CEACAM4: variants seen among roughly 807,000 people sequenced by gnomAD.
CEACAM4 encodes the protein cell adhesion molecule CEACAM4.
A neutral mutation model predicts 28.7 loss-of-function variants in CEACAM4; 30 were observed. The ratio of observed to expected loss-of-function variants is 1.05; its 90% confidence interval spans 0.78 to 1.42. The LOEUF is 1.42. Ranked by LOEUF, CEACAM4 falls within the 40% of genes most tolerant of loss-of-function variation. The probability of loss-of-function intolerance (pLI) is 0.00; values close to 1 mark genes in which losing one functional copy is unlikely to be tolerated. For missense variants in CEACAM4, 330 were observed against 308.2 expected, an observed-to-expected ratio of 1.07 and a Z score of -0.53; for synonymous variants, 143 against 126.5, an observed-to-expected ratio of 1.13 and a Z score of -0.87.
chr19:41,623,350 T>C (rs1271038120), intron 2 of CEACAM4, among the ~76,000 whole-genome samples: 1 of 151,816 alleles, frequency 6.6e-6, no homozygotes, highest in Non-Finnish European at 1.5e-5. Flanking sequence ...TCTGATAATT[T>C]CAACATCCCT....
chr19:41,620,351 C>CT (rs1315355278), intron 4 of CEACAM4, 109 bp from the exon 5 acceptor site: 1 of 1,100,664 alleles, frequency 9.1e-7, no homozygotes, highest in African/African-American at 1.6e-5. Flanking sequence ...GAGGGAGCCT[C>CT]TTCCCAGGGG....
At chr19:41,614,815 G>A (rs2070967297), downstream of CEACAM4, among the ~76,000 whole-genome samples, 1 of 152,086 alleles carries the variant, frequency 6.6e-6, no homozygotes. Flanking sequence ...TCCATATGCA[G>A]GGTCAGAGAA....
Position 41,625,390 on chromosome 19 carries a change from C to T in CEACAM4, c.424+211G>A, listed in dbSNP as rs1188764259. Among the ~76,000 whole-genome samples, 3 of 152,172 alleles carry T rather than the reference C, an allele frequency of 2.0e-5. No individual in the cohort carries two copies. In the South Asian group the frequency reaches 6.2e-4, roughly 32 times the overall value. The stretch of plus-strand genomic sequence containing the variant: ...CTCCCCCTGCTGAGGCCCCCCCGCC[C>T]CCGCCATCAGTGTCTGCAGGGCCTG... On this transcript the variant is annotated intron_variant, in intron 2 of 6. Coordinates refer to ENST00000221954, the MANE Select transcript of CEACAM4 (RefSeq NM_001817.4).
chr19:41,618,429 C>T (rs545257325), downstream of CEACAM4, among the ~76,000 whole-genome samples: 2 of 152,268 alleles, frequency 1.3e-5, no homozygotes, highest in South Asian at 4.1e-4. Context: ...CTCTGACAGC[C>T]CCTCTCTGTG....
chr19:41,614,915 G>A (rs2070967863), downstream of CEACAM4, among the ~76,000 whole-genome samples: 2 of 141,668 alleles, frequency 1.4e-5, no homozygotes, highest in Admixed American at 1.5e-4. Flanking sequence ...GGAAGACAAG[G>A]GAAGACGAAG....
intron 2 of CEACAM4, 35 bp from the exon 3 acceptor site, chr19:41,621,803 A>G (rs1313055528): frequency 2.3e-6 from 3 of 1,293,260 alleles, no homozygotes; most frequent in Middle Eastern, 1.9e-4. Context: ...GACAAGGCCC[A>G]AGTTTGTTCC....
intron 2 of CEACAM4, among the ~76,000 whole-genome samples, chr19:41,622,487 C>T (rs938836593): frequency 6.6e-6 from 1 of 152,138 alleles, no homozygotes; most frequent in African/African-American, 2.4e-5. Context: ...TTTCAGGGGT[C>T]TTCCATGTGC....
chr19:41,626,831 C>A, intron 1 of CEACAM4, 69 bp downstream of exon 1: 1 of 1,432,982 alleles, frequency 7.0e-7, no homozygotes, highest in South Asian at 1.2e-5. Context: ...CTATCCCCTC[C>A]TACCCAAGAG....
chr19:41,619,468 G>A, intron 6 of CEACAM4, 73 bp from the exon 7 acceptor site: 1 of 1,595,118 alleles, frequency 6.3e-7, no homozygotes, highest in Non-Finnish European at 8.6e-7. Context: ...CCAGGCTCTG[G>A]GCCCACCCAG....
At chr19:41,618,341 G>A (rs556229644), downstream of CEACAM4, among the ~76,000 whole-genome samples, 1 of 152,270 alleles carries the variant, frequency 6.6e-6, no homozygotes, top group South Asian at 2.1e-4. Flanking sequence ...GGTAAAGTGG[G>A]AACTGATGAG....
Position 41,620,224 on chromosome 19 carries a change from C to A in CEACAM4, c.614G>T (p.Arg205Ile). 6.7e-7 allele frequency: 1 copy of A among 1,489,348 alleles called. No individual in the cohort carries two copies. 92.3% of individuals were successfully genotyped at this position (1,489,348 alleles called of 1,614,324 possible). A position where few individuals can be genotyped will look rare whatever the true frequency, so the allele number is the denominator to read the frequency against. ...ASTPGHGPSHRSTFSAPLPSP... is the reference protein window; with the variant it reads ...ASTPGHGPSHISTFSAPLPSP... The stretch of plus-strand genomic sequence containing the variant: ...GAACAGGCTTACCGAGAAGGTGGAT[C>A]TGTGAGAGGGACCATGGCCTGGGGA... Residue 205 changes from arginine (R) to isoleucine (I), a missense_variant, in exon 5 of 7, where the codon AGA becomes ATA. Coordinates refer to ENST00000221954, the MANE Select transcript of CEACAM4 (RefSeq NM_001817.4).
chr19:41,620,232 G>A lies in CEACAM4; in HGVS notation c.606C>T (p.Pro202=), dbSNP rs1555800630. ...PPPASTPGHG[P]SHRSTFSAPL... is the part of the protein sequence containing the mutation. ...TTACCGAGAAGGTGGATCTGTGAGA[G>A]GGACCATGGCCTGGGGACAGAGACA... The change falls in exon 5 of 7, where the codon CCC becomes CCT. Residue 202 remains proline, a synonymous_variant. Coordinates refer to ENST00000221954, the MANE Select transcript of CEACAM4 (RefSeq NM_001817.4). 4.7e-6 allele frequency: 7 copies of A among 1,486,848 alleles called. No homozygotes were observed. The highest frequency in any genetic ancestry group is 1.8e-4 in the Middle Eastern group (1 of 5,618). 92.1% of individuals were successfully genotyped at this position (1,486,848 alleles called of 1,614,324 possible).
chr19:41,623,380 T>C (rs2071426993), intron 2 of CEACAM4, among the ~76,000 whole-genome samples: 1 of 151,338 alleles, frequency 6.6e-6, no homozygotes, highest in South Asian at 2.1e-4. Flanking sequence ...CTGCCACATC[T>C]GCATCTGGTT....
chr19:41,619,095 C>A lies in CEACAM4; in HGVS notation c.*235G>T, dbSNP rs3745933. On this transcript the variant is annotated 3_prime_UTR_variant, in exon 7 of 7. Coordinates refer to ENST00000221954, the MANE Select transcript of CEACAM4 (RefSeq NM_001817.4). Reference sequence around the variant, plus strand: ...CAGGCCCATTCACTTTCCTTGCAAGCCCCCGCTTCCTGTGGTGATGAGAGG... The same window carrying A: ...CAGGCCCATTCACTTTCCTTGCAAGACCCCGCTTCCTGTGGTGATGAGAGG... 0.06 allele frequency: 32,216 copies of A among 536,734 alleles called. 3,175 individuals are homozygous for A. The highest frequency in any genetic ancestry group is 0.39 in the East Asian group (12,352 of 31,886). 33.2% of individuals were successfully genotyped at this position (536,734 alleles called of 1,614,324 possible).
At chr19:41,621,369 T>TCTCC (rs1173233796) in intron 3 of CEACAM4, among the ~76,000 whole-genome samples, 70 of 151,992 alleles carry the variant, frequency 4.6e-4, no homozygotes, top group Non-Finnish European at 8.8e-4. Context: ...TCCCGTCTTA[T>TCTCC]CTCCCTCCCT....
chr19:41,625,285 C>G (rs1237884417), intron 2 of CEACAM4, among the ~76,000 whole-genome samples: 3 of 152,184 alleles, frequency 2.0e-5, no homozygotes, highest in African/African-American at 7.2e-5. Flanking sequence ...GCCCTCAGGC[C>G]AGGCCCTGAC....
rs367720674 is a variant in CEACAM4, at chr19:41,626,910, G to A, written c.54C>T (p.Leu18=). 1 of 1,610,324 alleles carries A rather than the reference G, an allele frequency of 6.2e-7. No individual in the cohort carries two copies. Among genetic ancestry groups the A allele is most frequent in the Non-Finnish European group, 8.5e-7 (1 of 1,177,982 alleles). Residue 18 remains leucine (L), a synonymous_variant, in exon 1 of 7, where the codon CTC becomes CTT. Coordinates refer to ENST00000221954, the MANE Select transcript of CEACAM4 (RefSeq NM_001817.4). ...PRGGHRPWQG[L]LITASLLTFW... ...GAGTCCTCCCCTCACCTGTGATCAG[G>A]AGCCCCTGCCAGGGCCTGTGCCCTC...
downstream of CEACAM4, among the ~76,000 whole-genome samples, chr19:41,615,085 C>G (rs910648065): frequency 6.6e-6 from 1 of 151,914 alleles, no homozygotes; most frequent in Non-Finnish European, 1.5e-5. Flanking sequence ...CAGCTGAGGA[C>G]GGAAGACATG....
At chr19:41,626,380 T>A (rs1407877918) in intron 1 of CEACAM4, among the ~76,000 whole-genome samples, 1 of 152,110 alleles carries the variant, frequency 6.6e-6, no homozygotes, top group African/African-American at 2.4e-5. Context: ...TAGATCTCTT[T>A]AGGTGTTTGT....
Sources: allele counts gnomAD v4.1 joint callset (sites outside exome capture counted in the v4.1 genomes callset), GRCh38; gene constraint gnomAD v4.1.1; transcripts MANE v1.5; gene names NCBI Gene and HGNC (gene_info 2026-07-23, HGNC 2026-07-21).